IQSEC2: variants seen among roughly 807,000 people sequenced by gnomAD.
The protein encoded by IQSEC2 is IQ motif and SEC7 domain-containing protein 2.
Under a neutral mutation model 74.6 loss-of-function variants are expected in IQSEC2, and 6 were observed. The observed-to-expected ratio is 0.08, with a 90% CI of 0.04 to 0.16. The LOEUF (loss-of-function observed/expected upper bound fraction) is 0.16, where lower values mean the gene tolerates loss of function less well. Among genes scored for constraint, IQSEC2 ranks in the 10% least tolerant of loss-of-function variants. IQSEC2 has a pLI of 1.00. For missense variants in IQSEC2, 734 were observed against 1,306.2 expected, an observed-to-expected ratio of 0.56 and a Z score of 6.75; for synonymous variants, 494 against 544.5, an observed-to-expected ratio of 0.91 and a Z score of 1.29.
chrX:53,281,409 A>T, intron 2 of IQSEC2: 1 of 513,410 alleles, frequency 1.9e-6, no homozygotes, highest in Non-Finnish European at 3.2e-6. Context: ...CCAGGAAGCC[A>T]GGAGGCTGCT....
chrX:53,302,599 C>CA (rs374955717), intron 1 of IQSEC2, among the ~76,000 whole-genome samples: 7 of 105,555 alleles, frequency 6.6e-5, no homozygotes, highest in Non-Finnish European at 1.2e-4. Flanking sequence ...AACCCTATGT[C>CA]AAAAAAAAAA....
intron 2 of IQSEC2, chrX:53,279,777 C>G: frequency 2.1e-6 from 1 of 484,819 alleles, no homozygotes; most frequent in Non-Finnish European, 3.6e-6. Context: ...AAAGGGAAGG[C>G]TGGGAGGAAT....
intron 1 of IQSEC2, among the ~76,000 whole-genome samples, chrX:53,316,831 C>CA (rs376964568): frequency 0.031 from 2,260 of 73,040 alleles, 72 homozygotes; most frequent in African/African-American, 0.095. Flanking sequence ...AAACCAAAAC[C>CA]AAAAAAAAAA....
chrX:53,279,332 C>T (rs1017843450), intron 2 of IQSEC2: 6 of 395,104 alleles, frequency 1.5e-5, no homozygotes, highest in Middle Eastern at 6.6e-4. Context: ...ACCACTCAGG[C>T]CTTTTGGGGC....
intron 2 of IQSEC2, chrX:53,279,817 G>A (rs2074915323): frequency 2.3e-6 from 1 of 444,404 alleles, no homozygotes; most frequent in Non-Finnish European, 4.0e-6. Context: ...AGGAGGCGTG[G>A]GAGGCAGGGA....
intron 1 of IQSEC2, among the ~76,000 whole-genome samples, chrX:53,309,330 G>A (rs1232611801): frequency 1.8e-5 from 2 of 112,031 alleles, no homozygotes; most frequent in South Asian, 3.7e-4. Flanking sequence ...ATAGGAAGAC[G>A]TCAGTTTTTT....
intron 2 of IQSEC2, among the ~76,000 whole-genome samples, chrX:53,287,104 T>C (rs1282488668): frequency 9.0e-6 from 1 of 110,676 alleles, no homozygotes; most frequent in Non-Finnish European, 1.9e-5. Flanking sequence ...CACTTCCAGT[T>C]GGTGTGAGGC....
At chrX:53,289,599 C>T (rs782279100) in intron 2 of IQSEC2, among the ~76,000 whole-genome samples, 1 of 111,413 alleles carries the variant, frequency 9.0e-6, no homozygotes, top group African/African-American at 3.3e-5. Context: ...CTAACTGGAG[C>T]GAATTCAAAA....
intron 9 of IQSEC2, among the ~76,000 whole-genome samples, chrX:53,242,433 CAAAAAAAAA>C (rs138931001): frequency 5.6e-5 from 2 of 36,004 alleles, no homozygotes; most frequent in African/African-American, 2.1e-4. Flanking sequence ...AACTCCATGT[CAAAAAAAAA>C]AAAAAAAAAA....
downstream of IQSEC2, chrX:53,230,658 C>T (rs180877075): frequency 1.8e-3 from 203 of 114,669 alleles, no homozygotes; most frequent in Non-Finnish European, 3.4e-3. Context: ...TGCAGTGGCG[C>T]GAGCTCGCTC....
intron 1 of IQSEC2, among the ~76,000 whole-genome samples, chrX:53,298,411 T>C (rs1403675392): frequency 2.7e-5 from 3 of 111,806 alleles, no homozygotes; most frequent in African/African-American, 9.8e-5. Flanking sequence ...CTCAGAATAT[T>C]GAGAACACTG....
At chrX:53,300,025 TG>T (rs782288783) in intron 1 of IQSEC2, among the ~76,000 whole-genome samples, 70 of 74,784 alleles carry the variant, frequency 9.4e-4, no homozygotes, top group African/African-American at 8.0e-3. Flanking sequence ...CTCCCAAAGT[TG>T]GGGGGGGAAT....
intron 1 of IQSEC2, among the ~76,000 whole-genome samples, chrX:53,301,278 C>A (rs1199689820): frequency 9.0e-6 from 1 of 111,706 alleles, no homozygotes; most frequent in Non-Finnish European, 1.9e-5. Flanking sequence ...ACAGAACACC[C>A]CCTGCTCCCT....
chrX:53,283,567 G>A (rs73492171), intron 2 of IQSEC2, among the ~76,000 whole-genome samples: 5,928 of 111,927 alleles, frequency 0.053, 399 homozygotes, highest in African/African-American at 0.18. Context: ...TTCAGGGATA[G>A]TGAGGAAGAT....
At chrX:53,278,276 C>T (rs1170085856) in intron 2 of IQSEC2, among the ~76,000 whole-genome samples, 4 of 111,166 alleles carry the variant, frequency 3.6e-5, no homozygotes, top group African/African-American at 6.5e-5. Flanking sequence ...TCCCAAAGTG[C>T]TGGGATTACA....
chrX:53,269,002 C>T lies in IQSEC2; in HGVS notation c.738-12941G>A, dbSNP rs187549486. Among the ~76,000 whole-genome samples the T allele has an allele frequency of 1.7e-3, 190 of 112,303 alleles. 2 individuals are homozygous for T. Among genetic ancestry groups the T allele is most frequent in the African/African-American group, 5.6e-3 (174 of 30,910 alleles). The stretch of plus-strand genomic sequence containing the variant: ...TAGTGCATGGTAACTATTATTATAA[C>T]GGCCATTATAGTGGTATCCATGTTC... On this transcript the variant is annotated intron_variant, in intron 2 of 14. Transcript: ENST00000642864.
intron 6 of IQSEC2, among the ~76,000 whole-genome samples, chrX:53,248,520 C>G (rs1022447671): frequency 7.2e-5 from 8 of 111,652 alleles, no homozygotes; most frequent in Non-Finnish European, 9.4e-5. Flanking sequence ...ATGTCTTGCC[C>G]AGGGCCACCC....
At chrX:53,231,544 C>T (rs1972904753), downstream of IQSEC2, 4 of 111,411 alleles carry the variant, frequency 3.6e-5, no homozygotes, top group South Asian at 1.5e-3. Flanking sequence ...AACTGTCCTG[C>T]AAGGTTGTTA....
intron 1 of IQSEC2, among the ~76,000 whole-genome samples, chrX:53,310,239 C>T (rs2075308753): frequency 9.1e-6 from 1 of 110,190 alleles, no homozygotes; most frequent in Non-Finnish European, 1.9e-5. Flanking sequence ...AAAAAATTAG[C>T]CGGTCATGGT....
Sources: gnomAD v4.1 joint callset for allele counts (sites outside exome capture counted in the v4.1 genomes callset) on GRCh38, gnomAD v4.1.1 for gene constraint, MANE v1.5 for transcripts, NCBI Gene and HGNC (gene_info 2026-07-23, HGNC 2026-07-21) for gene names.